The following ALMS1 variants were observed in gnomAD, a reference collection of about 807,000 sequenced individuals.
ALMS1 encodes the protein ALMS1 centrosome and basal body associated protein.
Under a neutral mutation model 352.2 loss-of-function variants are expected in ALMS1, and 271 were observed. That is an observed-to-expected ratio of 0.77 (90% CI 0.70 to 0.85). The LOEUF is 0.85. Among genes scored for constraint, ALMS1 ranks in the 40% least tolerant of loss-of-function variants. ALMS1 has a pLI of 0.00. For synonymous variants in ALMS1, 1,865 were observed against 1,761.2 expected (o/e 1.06, Z -1.48); for missense variants, 5,445 against 4,870.7 (o/e 1.12, Z -3.51).
At chr2:73,455,761 G>A (rs1468458445) in intron 9 of ALMS1, among the ~76,000 whole-genome samples, 1 of 152,078 alleles carries the variant, frequency 6.6e-6, no homozygotes, top group Non-Finnish European at 1.5e-5. Context: ...GTCTAGATAT[G>A]TTGTTTTTAT....
chr2:73,396,303 T>TACACACACAC (rs757567739), intron 1 of ALMS1, among the ~76,000 whole-genome samples: 16 of 144,144 alleles, frequency 1.1e-4, no homozygotes, highest in East Asian at 6.1e-4. Flanking sequence ...GTCATAGAAA[T>TACACACACAC]ACACACACAC....
intron 12 of ALMS1, among the ~76,000 whole-genome samples, chr2:73,539,981 G>A (rs1272732064): frequency 1.3e-5 from 2 of 152,196 alleles, no homozygotes; most frequent in African/African-American, 4.8e-5. Flanking sequence ...CCCCAATCTA[G>A]CAAGGCAGGC....
intron 16 of ALMS1, among the ~76,000 whole-genome samples, chr2:73,591,026 T>A (rs1362339970): frequency 6.6e-6 from 1 of 152,028 alleles, no homozygotes; most frequent in East Asian, 1.9e-4. Flanking sequence ...CCCAGGCTGA[T>A]CTCAAACTCC....
chr2:73,536,305 T>C (rs1341942398), intron 12 of ALMS1, among the ~76,000 whole-genome samples: 1 of 152,188 alleles, frequency 6.6e-6, no homozygotes, highest in Non-Finnish European at 1.5e-5. Flanking sequence ...TATACGTCAC[T>C]AACACTTCCA....
chr2:73,575,001 A>C (rs1452737821), intron 16 of ALMS1, among the ~76,000 whole-genome samples: 1 of 152,154 alleles, frequency 6.6e-6, no homozygotes, highest in East Asian at 1.9e-4. Context: ...TGGTTGTTTC[A>C]TATAAATGGA....
intron 1 of ALMS1, among the ~76,000 whole-genome samples, chr2:73,387,114 C>T (rs1670556127): frequency 6.6e-6 from 1 of 152,202 alleles, no homozygotes; most frequent in Non-Finnish European, 1.5e-5. Context: ...TGGAACAGTT[C>T]CATCATCACA....
At chr2:73,473,411 T>C (rs1020770159) in intron 9 of ALMS1, among the ~76,000 whole-genome samples, 3 of 151,998 alleles carry the variant, frequency 2.0e-5, no homozygotes, top group Admixed American at 1.3e-4. Context: ...AAACAACACT[T>C]ACAACAAGCA....
At chr2:73,468,882 T>TTCCAAAC (rs1672411736) in intron 9 of ALMS1, among the ~76,000 whole-genome samples, 1 of 152,000 alleles carries the variant, frequency 6.6e-6, no homozygotes, top group Non-Finnish European at 1.5e-5. Flanking sequence ...TCAGATACAA[T>TTCCAAAC]TCCAAACCAC....
intron 10 of ALMS1, among the ~76,000 whole-genome samples, chr2:73,503,161 A>G (rs796335572): frequency 5.3e-5 from 8 of 151,942 alleles, no homozygotes; most frequent in Non-Finnish European, 1.0e-4. Flanking sequence ...GGTTAGTTAC[A>G]TGTGTATACA....
intron 9 of ALMS1, among the ~76,000 whole-genome samples, chr2:73,468,789 C>CT (rs34548154): frequency 6.6e-6 from 1 of 151,892 alleles, no homozygotes; most frequent in Admixed American, 6.6e-5. Flanking sequence ...AATTTATTTA[C>CT]TTTTAAAGTA....
At chr2:73,507,457 T>C (rs953915227) in intron 10 of ALMS1, among the ~76,000 whole-genome samples, 3 of 152,226 alleles carry the variant, frequency 2.0e-5, no homozygotes, top group African/African-American at 4.8e-5. Flanking sequence ...TCAGAACTTG[T>C]CATTGGACTG....
intron 10 of ALMS1, among the ~76,000 whole-genome samples, chr2:73,508,542 A>G (rs1446990132): frequency 6.6e-6 from 1 of 151,916 alleles, no homozygotes; most frequent in Non-Finnish European, 1.5e-5. Flanking sequence ...ATTTGATTGC[A>G]CTGTAGTCTG....
chr2:73,439,689 C>A (rs147688375), intron 7 of ALMS1, among the ~76,000 whole-genome samples: 1,642 of 151,334 alleles, frequency 0.011, 31 homozygotes, highest in African/African-American at 0.037. Context: ...TATAGGTGCA[C>A]ACCACCATAC....
At chr2:73,410,215 A>C (rs953441822) in intron 2 of ALMS1, among the ~76,000 whole-genome samples, 2 of 151,942 alleles carry the variant, frequency 1.3e-5, no homozygotes, top group Admixed American at 6.6e-5. Context: ...ATAGTGAAAC[A>C]CTGTCTCTAC....
At chr2:73,491,533 G>T (rs1471467452) in intron 10 of ALMS1, 35 bp downstream of exon 10, 4 of 1,606,106 alleles carry the variant, frequency 2.5e-6, no homozygotes, top group Non-Finnish European at 3.4e-6. Flanking sequence ...AAGCTGGATG[G>T]ACTTTGTAAT....
intron 16 of ALMS1, among the ~76,000 whole-genome samples, chr2:73,579,448 C>T (rs986781234): frequency 6.6e-6 from 1 of 152,004 alleles, no homozygotes; most frequent in Non-Finnish European, 1.5e-5. Flanking sequence ...GCAACCTCCA[C>T]CTCCCGGGTT....
At chr2:73,419,090 G>T in intron 2 of ALMS1, 33 bp from the exon 3 acceptor site, 2 of 1,554,880 alleles carry the variant, frequency 1.3e-6, no homozygotes, top group South Asian at 2.2e-5. Context: ...CTCAGTTAAT[G>T]ACTTAGCATG....
At position 73,453,550 on chromosome 2, in the gene ALMS1, T is replaced by C. The variant is rs1201697946; in HGVS notation, c.7023T>C (p.Asn2341=). ...CIQKDIGTQT[N]LKCRRGIENW... ...AGAAGGATATTGGCACACAGACGAA[T>C]TTGAAATGCCGGAGAGGCATTGAAA... Residue 2341 remains asparagine (N), a synonymous_variant, in exon 8 of 23, where the codon AAT becomes AAC. Transcript: ENST00000613296. 1 of 1,613,706 alleles carries C rather than the reference T, an allele frequency of 6.2e-7. No homozygotes were observed.
chr2:73,559,223 G>A, intron 15 of ALMS1, 81 bp downstream of exon 15: 2 of 1,523,956 alleles, frequency 1.3e-6, no homozygotes, highest in Middle Eastern at 1.7e-4. Flanking sequence ...ATTTCATTCT[G>A]ATGAGAATAT....
Sources: allele counts gnomAD v4.1 joint callset (sites outside exome capture counted in the v4.1 genomes callset), GRCh38; gene constraint gnomAD v4.1.1; transcripts MANE v1.5; gene names NCBI Gene and HGNC (gene_info 2026-07-23, HGNC 2026-07-21).